Variants in PLS3 observed in about 807,000 individuals in gnomAD.
PLS3 encodes the protein plastin-3.
A neutral mutation model predicts 46.5 loss-of-function variants in PLS3; 11 were observed. The observed-to-expected ratio is 0.24, with a 90% confidence interval of 0.15 to 0.39. The LOEUF (loss-of-function observed/expected upper bound fraction) is 0.39, where lower values mean the gene tolerates loss of function less well. PLS3 is among the 10% of genes least tolerant of loss of function. The pLI is 1.00. For missense variants in PLS3, 308 were observed against 461.8 expected, an observed-to-expected ratio of 0.67 and a Z score of 3.05; for synonymous variants, 167 against 162.2, an observed-to-expected ratio of 1.03 and a Z score of -0.22.
intron 2 of PLS3, chrX:115,614,565 T>C (rs1556636541): frequency 1.3e-6 from 1 of 749,280 alleles, no homozygotes; most frequent in African/African-American, 2.3e-5. Flanking sequence ...ACCCCATGTT[T>C]AGCTAAGCAT....
chrX:115,649,591 T>G lies in PLS3; in HGVS notation c.*30T>G, dbSNP rs1556642225. The stretch of plus-strand genomic sequence containing the variant: ...ACCAATCTGAATAAAACAGCCATGC[T>G]CCCAGGTGCATGATTCGCAGGTCAG... On this transcript the variant is annotated 3_prime_UTR_variant, in exon 16 of 16. Coordinates refer to ENST00000355899, the MANE Select transcript of PLS3 (RefSeq NM_005032.7). The G allele has an allele frequency of 2.6e-6, 3 of 1,173,128 alleles. No homozygotes were observed. In the South Asian group the frequency reaches 5.7e-5, roughly 22 times the overall value.
chrX:115,628,466 AT>A (rs1556638778), intron 3 of PLS3, among the ~76,000 whole-genome samples: 3 of 112,161 alleles, frequency 2.7e-5, no homozygotes, highest in Non-Finnish European at 5.6e-5. Context: ...TCAGGAACAC[AT>A]TTGGAATTAG....
chrX:115,594,417 AAAAC>A (rs1217488601), intron 1 of PLS3, among the ~76,000 whole-genome samples: 1 of 111,535 alleles, frequency 9.0e-6, no homozygotes, highest in African/African-American at 3.2e-5. Context: ...AGCATGAAAC[AAAAC>A]AAACCAGTTT....
At chrX:115,613,614 T>G (rs1389628837) in intron 2 of PLS3, among the ~76,000 whole-genome samples, 1 of 107,285 alleles carries the variant, frequency 9.3e-6, no homozygotes, top group Non-Finnish European at 1.9e-5. Flanking sequence ...GGTCTCGGGA[T>G]AGTCGGAAAA....
At chrX:115,640,329 T>C in intron 8 of PLS3, 79 bp from the exon 9 acceptor site, 1 of 711,304 alleles carries the variant, frequency 1.4e-6, no homozygotes, top group South Asian at 2.4e-5. Flanking sequence ...CCAATGCAAA[T>C]AGCCTTCCAA....
chrX:115,579,148 T>A (rs782346456), intron 1 of PLS3, among the ~76,000 whole-genome samples: 1 of 112,321 alleles, frequency 8.9e-6, no homozygotes, highest in Admixed American at 9.5e-5. Flanking sequence ...ATTATATAAA[T>A]GGAATGATAT....
intron 8 of PLS3, among the ~76,000 whole-genome samples, chrX:115,638,651 T>A (rs782445819): frequency 1.8e-4 from 20 of 112,282 alleles, no homozygotes; most frequent in Non-Finnish European, 3.2e-4. Flanking sequence ...AAAGAGAAAA[T>A]CTTATTTTTG....
chrX:115,579,955 G>C (rs1310131739), intron 1 of PLS3, among the ~76,000 whole-genome samples: 4 of 111,493 alleles, frequency 3.6e-5, no homozygotes, highest in African/African-American at 9.8e-5. Context: ...CTGGCCTCAA[G>C]CAGTACTCCG....
chrX:115,564,019 T>C (rs1373328586), intron 1 of PLS3, among the ~76,000 whole-genome samples: 7 of 111,892 alleles, frequency 6.3e-5, no homozygotes. Flanking sequence ...ATCGCTAGGC[T>C]CTAGTCCACA....
chrX:115,588,800 C>T (rs1406552635), intron 1 of PLS3, among the ~76,000 whole-genome samples: 1 of 111,184 alleles, frequency 9.0e-6, no homozygotes, highest in African/African-American at 3.3e-5. Flanking sequence ...AATTGTAGAG[C>T]ATGTGAGTTA....
chrX:115,648,715 C>T (rs2074975933), intron 15 of PLS3, among the ~76,000 whole-genome samples: 1 of 111,702 alleles, frequency 9.0e-6, no homozygotes, highest in Admixed American at 9.6e-5. Flanking sequence ...TTCTTTTTTC[C>T]TTGAAAAATA....
At position 115,647,615 on chromosome X, in the gene PLS3, A is replaced by G. The variant is rs2074966062; in HGVS notation, c.1577A>G (p.Asn526Ser). The change falls in exon 14 of 16, where the codon AAC (asparagine) becomes AGC (serine). Residue 526 changes from asparagine to serine, a missense_variant. Physicochemically the swap from Asn to Ser is conservative, Grantham distance 46. This residue lies in a region of PLS3 where 271 missense variants were observed against 435.7 expected (regional missense o/e 0.62). Coordinates refer to ENST00000355899, the MANE Select transcript of PLS3 (RefSeq NM_005032.7). ...AAAGCCAATGACGACATCATTGTGAACTGGGTGAACAGAACGTTGAGTGAA... is the reference window on the plus strand; with the variant it reads ...AAAGCCAATGACGACATCATTGTGAGCTGGGTGAACAGAACGTTGAGTGAA... Reference protein sequence around the residue: ...GQKANDDIIVNWVNRTLSEAG... With the variant: ...GQKANDDIIVSWVNRTLSEAG... 8.3e-7 allele frequency: 1 copy of G among 1,203,336 alleles called. No homozygotes were observed. Among genetic ancestry groups the G allele is most frequent in the Non-Finnish European group, 1.1e-6 (1 of 887,818 alleles).
chrX:115,640,635 T>C, intron 9 of PLS3, 132 bp downstream of exon 9: 1 of 395,832 alleles, frequency 2.5e-6, no homozygotes, highest in Middle Eastern at 7.1e-4. Context: ...TGTATTACTG[T>C]ACATGTAATT....
At chrX:115,647,396 T>A (rs782042130) in intron 13 of PLS3, among the ~76,000 whole-genome samples, 154 bp from the exon 14 acceptor site, 1 of 112,228 alleles carries the variant, frequency 8.9e-6, no homozygotes, top group Admixed American at 9.5e-5. Context: ...ATTGCGCCAC[T>A]GCACTCCAGC....
At chrX:115,597,016 G>T (rs782282361) in intron 1 of PLS3, among the ~76,000 whole-genome samples, 1 of 106,733 alleles carries the variant, frequency 9.4e-6, no homozygotes, top group Non-Finnish European at 1.9e-5. Flanking sequence ...ATGGTGGTGG[G>T]CGCCTGTAAT....
chrX:115,647,683 C>T lies in PLS3; in HGVS notation c.1635+10C>T. ...CATTCAGAGTTTTAAGGTCAGAATC[C>T]ATATTTGACTATTAAATATTATGTT... On this transcript the variant is annotated intron_variant, in intron 14 of 15. Coordinates refer to ENST00000355899, the MANE Select transcript of PLS3 (RefSeq NM_005032.7). 1 of 1,194,149 alleles carries T rather than the reference C, an allele frequency of 8.4e-7. No homozygotes were observed. Among genetic ancestry groups the T allele is most frequent in the Non-Finnish European group, 1.1e-6 (1 of 881,359 alleles).
chrX:115,644,748 GAGA>G (rs1569529210), intron 10 of PLS3, among the ~76,000 whole-genome samples: 1 of 111,346 alleles, frequency 9.0e-6, no homozygotes, highest in Non-Finnish European at 1.9e-5. Context: ...AGAAAGATTT[GAGA>G]AGGAGACTAT....
chrX:115,570,801 T>C (rs1014954096), intron 1 of PLS3, among the ~76,000 whole-genome samples: 1 of 110,605 alleles, frequency 9.0e-6, no homozygotes, highest in Admixed American at 9.7e-5. Flanking sequence ...CCTTTTATTG[T>C]TTTTCATTGT....
chrX:115,634,710 T>A (rs2074812344), intron 6 of PLS3, among the ~76,000 whole-genome samples, 171 bp from the exon 7 acceptor site: 1 of 112,461 alleles, frequency 8.9e-6, no homozygotes, highest in African/African-American at 3.2e-5. Flanking sequence ...TTGTCTTAGC[T>A]AGGCTTTCTA....
Sources: allele counts gnomAD v4.1 joint callset (sites outside exome capture counted in the v4.1 genomes callset), GRCh38; gene constraint gnomAD v4.1.1; regional missense constraint gnomAD v4.1.1; transcripts MANE v1.5; gene names NCBI Gene and HGNC (gene_info 2026-07-23, HGNC 2026-07-21).